Variants in SPOCK3 observed in about 807,000 individuals in gnomAD.
SPOCK3 encodes the protein SPARC (osteonectin), cwcv and kazal like domains proteoglycan 3.
In SPOCK3, 30 loss-of-function variants were observed where a neutral mutation model predicts 56.6. That is an observed-to-expected ratio of 0.53 (90% CI 0.40 to 0.72). The LOEUF (loss-of-function observed/expected upper bound fraction) is 0.72. Ranked by LOEUF, SPOCK3 falls within the 30% of genes least tolerant of loss-of-function variation. The pLI, the probability that SPOCK3 is intolerant of heterozygous loss-of-function variation, is 0.00. For synonymous variants in SPOCK3, 196 were observed against 183.3 expected, an observed-to-expected ratio of 1.07 and a Z score of -0.56; for missense variants, 527 against 530.0, an observed-to-expected ratio of 0.99 and a Z score of 0.06.
intron 3 of SPOCK3, among the ~76,000 whole-genome samples, chr4:167,008,658 A>G (rs1029528639): frequency 3.3e-5 from 5 of 152,210 alleles, no homozygotes; most frequent in African/African-American, 9.6e-5. Flanking sequence ...CTATACAGCC[A>G]TAAGAAAGAA....
chr4:166,902,444 A>T (rs531499731), intron 5 of SPOCK3, among the ~76,000 whole-genome samples: 1 of 152,052 alleles, frequency 6.6e-6, no homozygotes, highest in South Asian at 2.1e-4. Context: ...ATTCTCTTCT[A>T]ATATTTTCTC....
At chr4:166,933,176 G>A (rs1179084011) in intron 4 of SPOCK3, among the ~76,000 whole-genome samples, 1 of 152,106 alleles carries the variant, frequency 6.6e-6, no homozygotes, top group Non-Finnish European at 1.5e-5. Flanking sequence ...TTGACTCTCT[G>A]TATGCCAAAA....
rs1241973950 is a variant in SPOCK3, at chr4:166,737,388, GC to G, written c.1132+78del. 9.0e-6 allele frequency: 13 copies of G among 1,440,964 alleles called. No homozygotes were observed. In the African/African-American group the frequency reaches 1.7e-4, roughly 19 times the overall value. The allele number at this position is 1,440,964 out of a possible 1,614,324, so 89.3% of individuals were successfully genotyped here. A position where few individuals can be genotyped will look rare whatever the true frequency, so the allele number is the denominator to read the frequency against. On this transcript the variant is annotated intron_variant, in intron 10 of 10. Coordinates refer to ENST00000357545, the MANE Select transcript of SPOCK3 (RefSeq NM_001040159.2). ...TGCATAGAGTAAGTCCTCATTAAAT[GC>G]TTGAACAAATGAATGAGGCTCTAAA...
intron 6 of SPOCK3, among the ~76,000 whole-genome samples, chr4:166,842,643 T>C (rs1048138949): frequency 1.3e-5 from 2 of 151,996 alleles, no homozygotes; most frequent in Admixed American, 1.3e-4. Context: ...GAGTAGCTAG[T>C]TACAGAGTGC....
At chr4:166,789,646 G>C (rs1741122900) in intron 7 of SPOCK3, among the ~76,000 whole-genome samples, 1 of 152,106 alleles carries the variant, frequency 6.6e-6, no homozygotes, top group African/African-American at 2.4e-5. Flanking sequence ...CAGATAAGTT[G>C]AAAACTGTGC....
chr4:166,915,857 A>G (rs1737787219), intron 4 of SPOCK3, among the ~76,000 whole-genome samples: 1 of 152,192 alleles, frequency 6.6e-6, no homozygotes, highest in African/African-American at 2.4e-5. Context: ...ATTTGCAGTT[A>G]GTTATCTGAA....
intron 6 of SPOCK3, among the ~76,000 whole-genome samples, chr4:166,803,210 G>T (rs182946005): frequency 1.3e-5 from 2 of 152,054 alleles, no homozygotes; most frequent in Non-Finnish European, 2.9e-5. Flanking sequence ...TATAAATCAC[G>T]CAGTTTTATT....
At chr4:166,746,288 T>C (rs1405602140) in intron 8 of SPOCK3, among the ~76,000 whole-genome samples, 1 of 152,168 alleles carries the variant, frequency 6.6e-6, no homozygotes, top group Non-Finnish European at 1.5e-5. Context: ...CATAACAAAC[T>C]GTCTCTCAGA....
At chr4:166,950,540 A>G (rs1290378187) in intron 4 of SPOCK3, among the ~76,000 whole-genome samples, 2 of 152,034 alleles carry the variant, frequency 1.3e-5, no homozygotes, top group African/African-American at 4.8e-5. Flanking sequence ...ACAGAAAGTT[A>G]ACAAGAATAC....
chr4:167,143,175 C>A (rs1763670988), intron 2 of SPOCK3, among the ~76,000 whole-genome samples: 1 of 151,950 alleles, frequency 6.6e-6, no homozygotes, highest in African/African-American at 2.4e-5. Context: ...ACAATTAATG[C>A]ATAAAAGTAA....
chr4:167,170,470 A>G (rs534636318), intron 2 of SPOCK3, among the ~76,000 whole-genome samples: 3 of 152,182 alleles, frequency 2.0e-5, no homozygotes, highest in Non-Finnish European at 4.4e-5. Context: ...GCTAACATTT[A>G]TTGAGCAATT....
rs560163283 is a variant in SPOCK3 at position 166,867,131 on chromosome 4, C to T, written c.589+21999G>A. 6.6e-5 allele frequency among the ~76,000 whole-genome samples: 10 copies of T among 152,080 alleles called. 1 individual carries two copies. Among genetic ancestry groups the T allele is most frequent in the African/African-American group, 2.2e-4 (9 of 41,504 alleles). On this transcript the variant is annotated intron_variant, in intron 6 of 10. Transcript: ENST00000357545. ...ATCTGATGAAGGCATCATTTTAATG[C>T]ACAGTTTGCAGAATTGAGAGTGAAG...
chr4:167,058,852 C>G (rs1042325372), intron 3 of SPOCK3, among the ~76,000 whole-genome samples: 3 of 152,152 alleles, frequency 2.0e-5, no homozygotes, highest in South Asian at 2.1e-4. Flanking sequence ...CGCCATGTAT[C>G]TACAACTACC....
At chr4:166,855,137 G>T (rs1035371466) in intron 6 of SPOCK3, among the ~76,000 whole-genome samples, 8 of 152,132 alleles carry the variant, frequency 5.3e-5, no homozygotes, top group Non-Finnish European at 1.0e-4. Flanking sequence ...AGTGAAATTT[G>T]CTGTCAGTGA....
chr4:166,881,471 G>T (rs4860000), intron 6 of SPOCK3, among the ~76,000 whole-genome samples: 92,623 of 151,644 alleles, frequency 0.61, 28,806 homozygotes, highest in South Asian at 0.77. Flanking sequence ...TACAGAAAAA[G>T]AATTCATTTT....
chr4:167,218,492 G>T lies in SPOCK3; in HGVS notation c.189+15493C>A, dbSNP rs558186635. Among the ~76,000 whole-genome samples, 26 of 152,214 alleles carry T rather than the reference G, an allele frequency of 1.7e-4. 1 individual carries two copies. Among genetic ancestry groups the T allele is most frequent in the Middle Eastern group, 3.4e-3 (1 of 294 alleles). On this transcript the variant is annotated intron_variant, in intron 2 of 10. Transcript: ENST00000357545. Reference sequence around the variant, plus strand: ...GTAGCAAAGCCAGGTAGCTTTCAGTGACTCAAAGCAAACAAAGCAGTTCTG... The same window carrying T: ...GTAGCAAAGCCAGGTAGCTTTCAGTTACTCAAAGCAAACAAAGCAGTTCTG...
chr4:166,891,683 A>G (rs1474320431), intron 5 of SPOCK3, among the ~76,000 whole-genome samples: 1 of 152,046 alleles, frequency 6.6e-6, no homozygotes, highest in African/African-American at 2.4e-5. Flanking sequence ...GCAATTATGA[A>G]TGTTTTAATG....
At chr4:166,740,188 T>G (rs1734685828) in intron 9 of SPOCK3, among the ~76,000 whole-genome samples, 1 of 152,228 alleles carries the variant, frequency 6.6e-6, no homozygotes, top group Non-Finnish European at 1.5e-5. Context: ...GGCATCATAC[T>G]CCTATATAAC....
chr4:167,193,879 T>C lies in SPOCK3; in HGVS notation c.189+40106A>G, dbSNP rs1488880309. Among the ~76,000 whole-genome samples, 2 of 135,042 alleles carry C rather than the reference T, an allele frequency of 1.5e-5. 1 individual carries two copies. The highest frequency in any genetic ancestry group is 3.1e-5 in the Non-Finnish European group (2 of 63,858). 88.6% of individuals were successfully genotyped at this position (135,042 alleles called of 152,430 possible). On this transcript the variant is annotated intron_variant, in intron 2 of 10. Coordinates refer to ENST00000357545, the MANE Select transcript of SPOCK3 (RefSeq NM_001040159.2). ...TTAGATTGACTTTGCATGGGGTTTTTTGAGTTTCACAAATCTAGATGTCCA... is the reference window on the plus strand; with the variant it reads ...TTAGATTGACTTTGCATGGGGTTTTCTGAGTTTCACAAATCTAGATGTCCA...
Sources: gnomAD v4.1 joint callset for allele counts (sites outside exome capture counted in the v4.1 genomes callset) on GRCh38, gnomAD v4.1.1 for gene constraint, MANE v1.5 for transcripts, NCBI Gene and HGNC (gene_info 2026-07-23, HGNC 2026-07-21) for gene names.